The following MEGF10 variants were observed in gnomAD, a reference collection of about 807,000 sequenced individuals.
MEGF10 encodes multiple EGF like domains 10, also known as multiple epidermal growth factor-like domains protein 10.
MEGF10 carries 86 observed loss-of-function variants against 147.5 expected under a neutral mutation model. The ratio of observed to expected loss-of-function variants is 0.58; its 90% CI spans 0.49 to 0.70. MEGF10 has a LOEUF of 0.70. MEGF10 is among the 30% of genes least tolerant of loss of function. MEGF10 has a pLI of 0.00. For missense variants in MEGF10, 1,329 were observed against 1,487.3 expected (o/e 0.89, Z 1.75); for synonymous variants, 478 against 525.5 (o/e 0.91, Z 1.24).
In MEGF10 at chr5:127,296,047, T is replaced by G. The variant is rs915447042; in HGVS notation, c.-19+4991T>G. On this transcript the variant is annotated intron_variant, in intron 1 of 24. Transcript: ENST00000503335. ...AAATTTTTAATTTACCTTTTGTCTC[T>G]CTTTACCATTTTGCATTATTGTTCA... 1.3e-5 allele frequency among the ~76,000 whole-genome samples: 2 copies of G among 152,248 alleles called. 1 individual carries two copies. The highest frequency in any genetic ancestry group is 1.3e-4 in the Admixed American group (2 of 15,290).
chr5:127,331,266 A>C (rs373751737), intron 1 of MEGF10, 25 bp from the exon 2 acceptor site: 96 of 1,243,792 alleles, frequency 7.7e-5, no homozygotes, highest in Non-Finnish European at 1.1e-4. Flanking sequence ...ATGCATTTCT[A>C]ATTGGGATTT....
chr5:127,456,928 C>G (rs2127048676), intron 24 of MEGF10, among the ~76,000 whole-genome samples, 200 bp from the exon 25 acceptor site: 1 of 152,226 alleles, frequency 6.6e-6, no homozygotes, highest in South Asian at 2.1e-4. Flanking sequence ...TTCTGAACAC[C>G]ATTTGTGTTT....
Position 127,457,618 on chromosome 5 carries a change from G to C in MEGF10, c.*300G>C. On this transcript the variant is annotated 3_prime_UTR_variant, in exon 25 of 25. Coordinates refer to ENST00000503335, the MANE Select transcript of MEGF10 (RefSeq NM_001256545.2). ...CATGAACTTGCAGAACTCCCTCGGA[G>C]ACGCAGGTTGCAGTGGACATTGGGA... 1 of 340,664 alleles carries C rather than the reference G, an allele frequency of 2.9e-6. No homozygotes were observed. The highest frequency in any genetic ancestry group is 5.4e-6 in the Non-Finnish European group (1 of 185,408). The allele number at this position is 340,664 out of a possible 1,614,324, so 21.1% of individuals were successfully genotyped here.
intron 5 of MEGF10, among the ~76,000 whole-genome samples, chr5:127,382,081 A>G (rs1763287011): frequency 6.6e-6 from 1 of 152,252 alleles, no homozygotes; most frequent in Admixed American, 6.5e-5. Context: ...TCCCCAGGTC[A>G]GAATTTCCCC....
At chr5:127,290,100 G>A (rs1759173114), upstream of MEGF10, among the ~76,000 whole-genome samples, 1 of 152,120 alleles carries the variant, frequency 6.6e-6, no homozygotes, top group Admixed American at 6.5e-5. Flanking sequence ...CCTCCTCGGC[G>A]AGTCGGCAGA....
chr5:127,234,786 G>T, the MEGF10 span, among the ~76,000 whole-genome samples: 1 of 151,538 alleles, frequency 6.6e-6, no homozygotes, highest in African/African-American at 2.4e-5. Context: ...TTCTATGTGG[G>T]CTATCATCTC....
upstream of MEGF10, among the ~76,000 whole-genome samples, chr5:127,287,554 AG>A (rs1244220436): frequency 1.3e-5 from 2 of 152,028 alleles, no homozygotes; most frequent in Non-Finnish European, 2.9e-5. Context: ...CCATGTTCAA[AG>A]CTACAAAATA....
At chr5:127,376,846 G>C (rs886935917) in intron 5 of MEGF10, among the ~76,000 whole-genome samples, 4 of 152,194 alleles carry the variant, frequency 2.6e-5, no homozygotes, top group African/African-American at 9.6e-5. Context: ...TATCTATTAA[G>C]TGGTGGAGCC....
At chr5:127,358,178 T>G (rs1031177183) in intron 4 of MEGF10, among the ~76,000 whole-genome samples, 1 of 152,192 alleles carries the variant, frequency 6.6e-6, no homozygotes, top group African/African-American at 2.4e-5. Flanking sequence ...CTGTTGTTAT[T>G]AGTCATTGAC....
At chr5:127,380,067 G>GTTT (rs5871252) in intron 5 of MEGF10, among the ~76,000 whole-genome samples, 115 of 147,546 alleles carry the variant, frequency 7.8e-4, no homozygotes, top group South Asian at 2.8e-3. Context: ...TTGTTAACTT[G>GTTT]TTTTTTTTTT....
intron 22 of MEGF10, among the ~76,000 whole-genome samples, chr5:127,454,207 G>A (rs949060172): frequency 2.6e-5 from 4 of 152,182 alleles, no homozygotes; most frequent in African/African-American, 9.7e-5. Context: ...AACCATCAGA[G>A]CCTTGAAAGA....
the MEGF10 span, among the ~76,000 whole-genome samples, chr5:127,230,134 T>C: frequency 1.3e-5 from 2 of 152,088 alleles, no homozygotes; most frequent in Non-Finnish European, 2.9e-5. Flanking sequence ...TGTGAAGTAC[T>C]ATGGCCATCG....
chr5:127,375,538 A>G (rs955214292), intron 5 of MEGF10, among the ~76,000 whole-genome samples: 1 of 152,170 alleles, frequency 6.6e-6, no homozygotes, highest in African/African-American at 2.4e-5. Context: ...TAAAAAGCAC[A>G]CATGTGTTTT....
At position 127,459,237 on chromosome 5, in the gene MEGF10, T is replaced by C. The variant is rs1310360764; in HGVS notation, c.*1919T>C. 1 of 152,084 alleles carries C rather than the reference T, an allele frequency of 6.6e-6. No homozygotes were observed. Among genetic ancestry groups the C allele is most frequent in the Non-Finnish European group, 1.5e-5 (1 of 68,020 alleles). 9.4% of individuals were successfully genotyped at this position (152,084 alleles called of 1,614,324 possible). Reference sequence around the variant, plus strand: ...CACACATCGGCACGTATGATGGTGGTTTGGTCAGATGGATAATACAGCAGA... The same window carrying C: ...CACACATCGGCACGTATGATGGTGGCTTGGTCAGATGGATAATACAGCAGA... On this transcript the variant is annotated 3_prime_UTR_variant, in exon 25 of 25. Transcript: ENST00000503335.
chr5:127,272,000 C>A, the MEGF10 span, among the ~76,000 whole-genome samples: 1 of 152,084 alleles, frequency 6.6e-6, no homozygotes, highest in East Asian at 1.9e-4. Context: ...GAAATCTTTG[C>A]CTGTGCCTGT....
At chr5:127,234,854 C>CT in the MEGF10 span, among the ~76,000 whole-genome samples, 2 of 139,378 alleles carry the variant, frequency 1.4e-5, no homozygotes, top group African/African-American at 5.3e-5. Flanking sequence ...TTTTTTTTTT[C>CT]TTTTTTTGAG....
the MEGF10 span, among the ~76,000 whole-genome samples, chr5:127,258,214 A>G: frequency 6.6e-6 from 1 of 152,214 alleles, no homozygotes; most frequent in Admixed American, 6.5e-5. Flanking sequence ...AGTGACTTTT[A>G]TGTTAGCATC....
chr5:127,246,985 A>AATATATATATATATATATGTAT, the MEGF10 span, among the ~76,000 whole-genome samples: 1 of 104,182 alleles, frequency 9.6e-6, no homozygotes, highest in Non-Finnish European at 1.8e-5. Flanking sequence ...GTATAAAAAG[A>AATATATATATATATATATGTAT]ATATATATAT....
At chr5:127,453,803 G>T (rs569392390) in intron 22 of MEGF10, among the ~76,000 whole-genome samples, 25 of 152,178 alleles carry the variant, frequency 1.6e-4, no homozygotes, top group Non-Finnish European at 3.5e-4. Flanking sequence ...TTTGTTTTTA[G>T]TAGTGCGAAT....
Sources: gnomAD v4.1 joint callset for allele counts (sites outside exome capture counted in the v4.1 genomes callset) on GRCh38, gnomAD v4.1.1 for gene constraint, MANE v1.5 for transcripts, NCBI Gene and HGNC (gene_info 2026-07-23, HGNC 2026-07-21) for gene names.